GRM1: variants seen among roughly 807,000 people sequenced by gnomAD.
The protein encoded by GRM1 is glutamate metabotropic receptor 1.
In GRM1, 33 loss-of-function variants were observed where a neutral mutation model predicts 90.9. That is an observed-to-expected ratio of 0.36 (90% CI 0.28 to 0.49). The LOEUF is 0.49. GRM1 is among the 20% of genes least tolerant of loss of function. The pLI, the probability that GRM1 is intolerant of heterozygous loss-of-function variation, is 0.99. For synonymous variants in GRM1, 700 were observed against 613.2 expected, an observed-to-expected ratio of 1.14 and a Z score of -2.09; for missense variants, 1,190 against 1,534.3, an observed-to-expected ratio of 0.78 and a Z score of 3.75.
intron 1 of GRM1, 151 bp downstream of exon 1, chr6:146,030,368 T>C: frequency 1.4e-6 from 1 of 700,154 alleles, no homozygotes; most frequent in South Asian, 1.5e-5. Flanking sequence ...GCATTGCCTT[T>C]TATCCTCATT....
intron 2 of GRM1, among the ~76,000 whole-genome samples, chr6:146,195,225 A>G (rs527482014): frequency 1.2e-4 from 18 of 152,352 alleles, no homozygotes; most frequent in Non-Finnish European, 2.2e-4. Flanking sequence ...GAAATATAAG[A>G]TTAAAGTGGT....
At chr6:146,139,356 A>C (rs771001570) in intron 1 of GRM1, among the ~76,000 whole-genome samples, 1 of 152,086 alleles carries the variant, frequency 6.6e-6, no homozygotes, top group Non-Finnish European at 1.5e-5. Flanking sequence ...ATTAAGTTTG[A>C]TGTTTCTGTG....
chr6:146,056,972 C>T (rs908281648), intron 1 of GRM1, among the ~76,000 whole-genome samples: 4 of 152,146 alleles, frequency 2.6e-5, no homozygotes, highest in Admixed American at 1.3e-4. Context: ...CTTGAAAACA[C>T]AGTGTCCTTG....
intron 2 of GRM1, among the ~76,000 whole-genome samples, chr6:146,191,846 G>A (rs542017092): frequency 5.3e-5 from 8 of 151,994 alleles, no homozygotes; most frequent in East Asian, 3.9e-4. Context: ...TCTCTGGTCC[G>A]TGACAGATTA....
intron 2 of GRM1, among the ~76,000 whole-genome samples, chr6:146,262,788 A>G (rs1170131441): frequency 6.6e-6 from 1 of 151,946 alleles, no homozygotes; most frequent in East Asian, 1.9e-4. Context: ...AAAAGTAAGT[A>G]TATTGATAAA....
chr6:146,197,778 TC>T (rs1411866010), intron 2 of GRM1, among the ~76,000 whole-genome samples: 2 of 152,196 alleles, frequency 1.3e-5, no homozygotes, highest in Non-Finnish European at 2.9e-5. Flanking sequence ...CAAAAGAATG[TC>T]AACATATGAC....
At chr6:146,192,330 TG>T (rs1778959342) in intron 2 of GRM1, among the ~76,000 whole-genome samples, 1 of 152,160 alleles carries the variant, frequency 6.6e-6, no homozygotes, top group South Asian at 2.1e-4. Flanking sequence ...GGGACATACA[TG>T]GAGGAAAATG....
intron 3 of GRM1, among the ~76,000 whole-genome samples, chr6:146,341,795 C>T (rs1488131784): frequency 6.6e-6 from 1 of 152,172 alleles, no homozygotes; most frequent in Non-Finnish European, 1.5e-5. Context: ...AACGGTGCAG[C>T]CAGTCTTAAC....
intron 7 of GRM1, among the ~76,000 whole-genome samples, chr6:146,431,485 C>G (rs1778404805): frequency 6.6e-6 from 1 of 152,098 alleles, no homozygotes; most frequent in East Asian, 1.9e-4. Context: ...AACAAGGTAC[C>G]TTTTTGCTAT....
At position 146,434,888 on chromosome 6, in the gene GRM1, T is replaced by G; in HGVS notation, c.*92T>G. 1 of 1,137,858 alleles carries G rather than the reference T, an allele frequency of 8.8e-7. No individual in the cohort carries two copies. Among genetic ancestry groups the G allele is most frequent in the Non-Finnish European group, 1.3e-6 (1 of 769,330 alleles). 70.5% of individuals were successfully genotyped at this position (1,137,858 alleles called of 1,614,324 possible). ...ACAGCTGGGAGGAAAAGCCTGGGAG[T>G]GGGGGGCCTCGTCGGGAGGACAGGA... On this transcript the variant is annotated 3_prime_UTR_variant, in exon 8 of 8. Coordinates refer to ENST00000282753, the MANE Select transcript of GRM1 (RefSeq NM_001278064.2).
chr6:146,124,612 A>G (rs1460136860), intron 1 of GRM1, among the ~76,000 whole-genome samples: 4 of 152,176 alleles, frequency 2.6e-5, no homozygotes, highest in Non-Finnish European at 5.9e-5. Context: ...TTTCTGTGGC[A>G]TAAGAATTGG....
At chr6:146,321,592 G>GCA (rs2114970961) in intron 3 of GRM1, among the ~76,000 whole-genome samples, 1 of 151,976 alleles carries the variant, frequency 6.6e-6, no homozygotes, top group African/African-American at 2.4e-5. Flanking sequence ...CTATTATTAT[G>GCA]TGGGAGTCTA....
chr6:146,404,079 C>A (rs1230879323), intron 7 of GRM1, among the ~76,000 whole-genome samples: 1 of 152,068 alleles, frequency 6.6e-6, no homozygotes, highest in Non-Finnish European at 1.5e-5. Flanking sequence ...ACAGGATAAT[C>A]TTGTCATTTT....
chr6:146,207,664 A>G (rs906741708), intron 2 of GRM1, among the ~76,000 whole-genome samples: 5 of 152,168 alleles, frequency 3.3e-5, no homozygotes, highest in African/African-American at 1.2e-4. Context: ...ACTATCACAC[A>G]CCACCCAAAC....
At chr6:146,048,109 T>C (rs1451641532) in intron 1 of GRM1, among the ~76,000 whole-genome samples, 1 of 152,014 alleles carries the variant, frequency 6.6e-6, no homozygotes, top group Non-Finnish European at 1.5e-5. Context: ...GGTAAAGCAC[T>C]CCATACAGCG....
chr6:146,428,309 C>T (rs373038947), intron 7 of GRM1, among the ~76,000 whole-genome samples: 43 of 152,158 alleles, frequency 2.8e-4, no homozygotes, highest in East Asian at 9.7e-4. Flanking sequence ...TTAGTGATGA[C>T]GGAAATAAAG....
At chr6:146,312,404 A>G (rs942172908) in intron 3 of GRM1, among the ~76,000 whole-genome samples, 34 of 148,604 alleles carry the variant, frequency 2.3e-4, no homozygotes, top group Non-Finnish European at 4.2e-4. Flanking sequence ...CTTTGACTCC[A>G]TTGAGACAAA....
rs1783511677 is a variant in GRM1 at position 146,304,597 on chromosome 6, C to T, written c.951-14C>T. ...GTCTTTCTCTCTCCCTACCCCAATC[C>T]CTGCATTTTTTAGTGATGGATGGGC... is the stretch of plus-strand genomic sequence containing the variant. On this transcript the variant is annotated splice_polypyrimidine_tract_variant and intron_variant, in intron 2 of 7. Transcript: ENST00000282753. The T allele has an allele frequency of 6.4e-7, 1 of 1,550,688 alleles. No homozygotes were observed. Among genetic ancestry groups the T allele is most frequent in the East Asian group, 2.2e-5 (1 of 44,464 alleles).
chr6:146,185,122 ATCT>A (rs1778685169), intron 2 of GRM1, among the ~76,000 whole-genome samples: 1 of 152,232 alleles, frequency 6.6e-6, no homozygotes, highest in Admixed American at 6.5e-5. Flanking sequence ...GACAGCACAA[ATCT>A]TCTAAATCAT....
Sources: allele counts gnomAD v4.1 joint callset (sites outside exome capture counted in the v4.1 genomes callset), GRCh38; gene constraint gnomAD v4.1.1; transcripts MANE v1.5; gene names NCBI Gene and HGNC (gene_info 2026-07-23, HGNC 2026-07-21).